PPP4R4: variants seen among roughly 807,000 people sequenced by gnomAD.
PPP4R4 encodes the protein serine/threonine-protein phosphatase 4 regulatory subunit 4.
In PPP4R4, 70 loss-of-function variants were observed where a neutral mutation model predicts 121.8. That is an observed-to-expected ratio of 0.57 (90% confidence interval 0.47 to 0.70). PPP4R4 has a LOEUF of 0.70. Ranked by LOEUF, PPP4R4 falls within the 30% of genes least tolerant of loss-of-function variation. The probability of loss-of-function intolerance (pLI) is 0.00; values close to 1 mark genes in which losing one functional copy is unlikely to be tolerated. For missense variants in PPP4R4, 875 were observed against 1,033.6 expected, an observed-to-expected ratio of 0.85 and a Z score of 2.10; for synonymous variants, 348 against 355.7, an observed-to-expected ratio of 0.98 and a Z score of 0.24.
At chr14:94,265,307 G>A (rs1300704197) in intron 20 of PPP4R4, 80 bp from the exon 21 acceptor site, 5 of 996,140 alleles carry the variant, frequency 5.0e-6, no homozygotes, top group Non-Finnish European at 7.8e-6. Flanking sequence ...GATTCATATT[G>A]TCTGAGTTGT....
Position 94,255,259 on chromosome 14 carries a change from C to T in PPP4R4, c.1866-1201C>T, listed in dbSNP as rs184452802. 4.6e-5 allele frequency among the ~76,000 whole-genome samples: 7 copies of T among 152,302 alleles called. No homozygotes were observed. In the East Asian group the frequency reaches 1.2e-3, roughly 25 times the overall value. Reference sequence around the variant, plus strand: ...ACCTTAAATAAATTCTTCTCTCTGTCATTCTACCTCCAATCCCTCAGCACA... The same window carrying T: ...ACCTTAAATAAATTCTTCTCTCTGTTATTCTACCTCCAATCCCTCAGCACA... On this transcript the variant is annotated intron_variant, in intron 16 of 24. Coordinates refer to ENST00000304338, the MANE Select transcript of PPP4R4 (RefSeq NM_058237.2).
At chr14:94,215,733 A>C (rs1890986665) in intron 3 of PPP4R4, among the ~76,000 whole-genome samples, 1 of 152,232 alleles carries the variant, frequency 6.6e-6, no homozygotes, top group Admixed American at 6.5e-5. Flanking sequence ...AGATTGATAC[A>C]AACTGTTCTA....
At chr14:94,272,514 C>T (rs374085822) in intron 23 of PPP4R4, among the ~76,000 whole-genome samples, 4 of 152,200 alleles carry the variant, frequency 2.6e-5, no homozygotes, top group African/African-American at 9.6e-5. Flanking sequence ...AAAAATGAAT[C>T]GCTGTTCTAA....
chr14:94,227,249 A>T, intron 3 of PPP4R4: 1 of 1,529,350 alleles, frequency 6.5e-7, no homozygotes. Flanking sequence ...GCATGCACTT[A>T]AGCAATAGAG....
chr14:94,236,897 A>G (rs1892377143), intron 7 of PPP4R4, among the ~76,000 whole-genome samples: 1 of 152,164 alleles, frequency 6.6e-6, no homozygotes, highest in African/African-American at 2.4e-5. Flanking sequence ...GCTGTTTTCC[A>G]TCTTGTACCC....
At position 94,240,768 on chromosome 14, in the gene PPP4R4, T is replaced by G. The variant is rs747826784; in HGVS notation, c.949T>G (p.Leu317Val). The G allele has an allele frequency of 6.2e-7, 1 of 1,604,686 alleles. No individual in the cohort carries two copies. The highest frequency in any genetic ancestry group is 1.1e-5 in the South Asian group (1 of 89,562). The part of the protein sequence containing the change: ...ESILISLSFH[L>V]GKLCHGLYGI... Reference sequence around the variant, plus strand: ...AATTCTTATTTCTTTATCTTTCCATTTAGGAAAACTATGTCATGGACTATA... The same window carrying G: ...AATTCTTATTTCTTTATCTTTCCATGTAGGAAAACTATGTCATGGACTATA... The change falls in exon 9 of 25, where the codon TTA becomes GTA. Residue 317 changes from leucine to valine, a missense_variant. Physicochemically the swap from Leu to Val is conservative, Grantham distance 32. Transcript: ENST00000304338.
chr14:94,210,782 G>C (rs972417613), intron 3 of PPP4R4, among the ~76,000 whole-genome samples: 2 of 152,126 alleles, frequency 1.3e-5, no homozygotes, highest in Admixed American at 6.5e-5. Flanking sequence ...CTTTATGGGG[G>C]TAACTCCAGT....
At chr14:94,202,072 A>G (rs1443972783) in intron 2 of PPP4R4, among the ~76,000 whole-genome samples, 2 of 152,108 alleles carry the variant, frequency 1.3e-5, no homozygotes, top group Admixed American at 6.5e-5. Flanking sequence ...CAAACATCGT[A>G]TGTTCTCACT....
intron 2 of PPP4R4, among the ~76,000 whole-genome samples, chr14:94,176,747 T>C (rs769340371): frequency 6.6e-6 from 1 of 152,230 alleles, no homozygotes; most frequent in South Asian, 2.1e-4. Context: ...TCTTGTAGAT[T>C]GAGCATCTTA....
intron 2 of PPP4R4, among the ~76,000 whole-genome samples, chr14:94,188,450 G>A (rs1162055287): frequency 1.3e-5 from 2 of 151,942 alleles, no homozygotes; most frequent in Admixed American, 1.3e-4. Context: ...CAATCAAAAT[G>A]CCTTGTATTC....
intron 14 of PPP4R4, among the ~76,000 whole-genome samples, chr14:94,249,581 C>T (rs970979260): frequency 1.3e-5 from 2 of 151,912 alleles, no homozygotes; most frequent in South Asian, 2.1e-4. Context: ...AGATAAATGG[C>T]CATATTTATT....
chr14:94,182,197 C>A (rs1269677679), intron 2 of PPP4R4, among the ~76,000 whole-genome samples: 1 of 152,010 alleles, frequency 6.6e-6, no homozygotes, highest in African/African-American at 2.4e-5. Context: ...TCTTTGTTTG[C>A]CTTTATAGAT....
At position 94,256,578 on chromosome 14, in the gene PPP4R4, A is replaced by G; in HGVS notation, c.1984A>G (p.Lys662Glu). 6.2e-7 allele frequency: 1 copy of G among 1,607,838 alleles called. No homozygotes were observed. Among genetic ancestry groups the G allele is most frequent in the Non-Finnish European group, 8.5e-7 (1 of 1,175,356 alleles). Residue 662 changes from lysine (K) to glutamate (E), a missense_variant, in exon 17 of 25, where the codon AAA becomes GAA. Coordinates refer to ENST00000304338, the MANE Select transcript of PPP4R4 (RefSeq NM_058237.2). ...VRKLLCQEKD[K>E]DVLAIVKRTV... The stretch of plus-strand genomic sequence containing the variant: ...GAAACTCCTGTGTCAAGAAAAAGAT[A>G]AAGATGTTCTGGCTATTGTAAAAAG...
intron 2 of PPP4R4, among the ~76,000 whole-genome samples, chr14:94,181,148 C>G (rs948904182): frequency 6.6e-6 from 1 of 152,038 alleles, no homozygotes; most frequent in Non-Finnish European, 1.5e-5. Flanking sequence ...CCCACATTTA[C>G]TTTCATTATT....
chr14:94,203,031 A>G (rs1246392797), intron 2 of PPP4R4, among the ~76,000 whole-genome samples: 1 of 152,160 alleles, frequency 6.6e-6, no homozygotes, highest in African/African-American at 2.4e-5. Context: ...ATTCACATAC[A>G]GTTGTAAGAA....
intron 7 of PPP4R4, among the ~76,000 whole-genome samples, chr14:94,236,030 ATGTCACACAGGGTATGGTAGAG>A (rs2139551220): frequency 6.6e-6 from 1 of 152,264 alleles, no homozygotes; most frequent in African/African-American, 2.4e-5. Flanking sequence ...AGGCTTTTGA[ATGTCACACAGGGTATGGTAGAG>A]TGTCACACAG....
At chr14:94,218,424 A>ACG (rs1287648693) in intron 3 of PPP4R4, among the ~76,000 whole-genome samples, 1 of 126,620 alleles carries the variant, frequency 7.9e-6, no homozygotes, top group Non-Finnish European at 1.7e-5. Context: ...TAGACACCGC[A>ACG]CGCGCGCGCA....
At chr14:94,227,599 G>T in intron 3 of PPP4R4, 1 of 1,277,400 alleles carries the variant, frequency 7.8e-7, no homozygotes, top group South Asian at 2.3e-5. Flanking sequence ...TGTTGCTGCG[G>T]GAGTCAAGAC....
At chr14:94,246,251 G>C in intron 13 of PPP4R4, 106 bp from the exon 14 acceptor site, 3 of 932,010 alleles carry the variant, frequency 3.2e-6, no homozygotes, top group Non-Finnish European at 4.6e-6. Flanking sequence ...CCTAAACTCT[G>C]AAATGAGAAG....
Sources: allele counts gnomAD v4.1 joint callset (sites outside exome capture counted in the v4.1 genomes callset), GRCh38; gene constraint gnomAD v4.1.1; transcripts MANE v1.5; gene names NCBI Gene and HGNC (gene_info 2026-07-23, HGNC 2026-07-21).